Variants in GLRA2 observed in about 807,000 individuals in gnomAD.
The protein encoded by GLRA2 is glycine receptor alpha 2, also known as glycine receptor subunit alpha-2.
Under a neutral mutation model 31.6 loss-of-function variants are expected in GLRA2, and 11 were observed. That is an observed-to-expected ratio of 0.35 (90% CI 0.22 to 0.58). The LOEUF is 0.58. Ranked by LOEUF, GLRA2 falls within the 20% of genes least tolerant of loss-of-function variation. The pLI is 0.84. For synonymous variants in GLRA2, 132 were observed against 134.0 expected (o/e 0.99, Z 0.10); for missense variants, 212 against 351.8 (o/e 0.60, Z 3.18).
chrX:14,458,569 T>C, the GLRA2 span, among the ~76,000 whole-genome samples: 1 of 112,341 alleles, frequency 8.9e-6, no homozygotes, highest in Non-Finnish European at 1.9e-5. Flanking sequence ...CCATTCTAAC[T>C]GGTGCGAGAT....
chrX:14,638,072 C>G (rs2090730583), intron 7 of GLRA2, among the ~76,000 whole-genome samples: 1 of 111,360 alleles, frequency 9.0e-6, no homozygotes, highest in Non-Finnish European at 1.9e-5. Flanking sequence ...AATCCAATGT[C>G]TTTGAACTGC....
chrX:14,668,576 A>G (rs1052623682), intron 7 of GLRA2, among the ~76,000 whole-genome samples: 2 of 112,786 alleles, frequency 1.8e-5, no homozygotes, highest in East Asian at 5.6e-4. Context: ...ATTGACTTAC[A>G]GTTCCATGTG....
intron 7 of GLRA2, among the ~76,000 whole-genome samples, chrX:14,655,121 T>C (rs1373496036): frequency 9.0e-6 from 1 of 111,051 alleles, no homozygotes; most frequent in African/African-American, 3.3e-5. Context: ...GGGAGAGCTG[T>C]TTGGATTAGA....
intron 7 of GLRA2, among the ~76,000 whole-genome samples, chrX:14,652,140 G>T (rs1165428103): frequency 8.9e-6 from 1 of 111,894 alleles, no homozygotes; most frequent in Non-Finnish European, 1.9e-5. Context: ...ATTTTCTGTT[G>T]TTTAACACAC....
At chrX:14,496,219 C>G in the GLRA2 span, among the ~76,000 whole-genome samples, 1 of 111,410 alleles carries the variant, frequency 9.0e-6, no homozygotes, top group African/African-American at 3.3e-5. Context: ...GGGACTGTTT[C>G]CCAAACAAAG....
chrX:14,728,285 C>T (rs1289575740), intron 8 of GLRA2, among the ~76,000 whole-genome samples: 1 of 110,814 alleles, frequency 9.0e-6, no homozygotes. Flanking sequence ...CCCAGCTACT[C>T]AGGGGTCTGA....
chrX:14,604,083 A>C (rs1421571688), intron 4 of GLRA2, among the ~76,000 whole-genome samples: 5 of 110,719 alleles, frequency 4.5e-5, no homozygotes, highest in African/African-American at 1.6e-4. Flanking sequence ...CAGAGGCTGG[A>C]AGATGAAAAA....
At chrX:14,581,899 C>T (rs1601733120) in intron 4 of GLRA2, among the ~76,000 whole-genome samples, 3 of 110,384 alleles carry the variant, frequency 2.7e-5, no homozygotes, top group Admixed American at 9.7e-5. Context: ...TAAGTAAACA[C>T]GTGACCTTGA....
intron 8 of GLRA2, among the ~76,000 whole-genome samples, chrX:14,724,565 G>T (rs1479433442): frequency 4.0e-5 from 4 of 99,729 alleles, no homozygotes; most frequent in African/African-American, 1.5e-4. Flanking sequence ...GGCAGAGGTT[G>T]CAGTGAGATG....
At position 14,677,761 on chromosome X, in the gene GLRA2, T is replaced by C. The variant is rs369147347; in HGVS notation, c.931-12949T>C. 3.6e-5 allele frequency among the ~76,000 whole-genome samples: 4 copies of C among 112,367 alleles called. No homozygotes were observed. In the East Asian group the frequency reaches 8.4e-4, roughly 24 times the overall value. ...ACTAGAAACCAGAGCAACTCTTTAC[T>C]TCCCAGATGGAACAACCAAAAACAT... On this transcript the variant is annotated intron_variant, in intron 7 of 8. Transcript: ENST00000218075.
chrX:14,509,984 A>G, the GLRA2 span, among the ~76,000 whole-genome samples: 1 of 111,928 alleles, frequency 8.9e-6, no homozygotes, highest in African/African-American at 3.3e-5. Context: ...AAAATCAGAG[A>G]GAAGAGTTTA....
intron 2 of GLRA2, among the ~76,000 whole-genome samples, chrX:14,557,651 C>A (rs921244781): frequency 9.0e-6 from 1 of 111,225 alleles, no homozygotes; most frequent in Non-Finnish European, 1.9e-5. Context: ...TAGTGGTTAT[C>A]AACTGGGGAG....
At chrX:14,575,932 G>T (rs1204558506) in intron 3 of GLRA2, among the ~76,000 whole-genome samples, 5 of 110,560 alleles carry the variant, frequency 4.5e-5, no homozygotes, top group Non-Finnish European at 9.5e-5. Flanking sequence ...CAATTGGCTG[G>T]GTCTAATTTG....
At chrX:14,531,549 A>G (rs762636083) in intron 1 of GLRA2, among the ~76,000 whole-genome samples, 2 of 111,387 alleles carry the variant, frequency 1.8e-5, no homozygotes, top group East Asian at 5.6e-4. Context: ...GTTTTCATCA[A>G]TATTTTTTAG....
rs780932563 is a variant in GLRA2 at position 14,683,800 on chromosome X, G to C, written c.931-6910G>C. 2.5e-4 allele frequency among the ~76,000 whole-genome samples: 28 copies of C among 110,561 alleles called. No homozygotes were observed. The South Asian group carries it at 0.011, about 43-fold the overall frequency. ...TTTTCCCAGCACCATTTATTAAATAGGGAATCCTATTTAATGCAGTGCACC... is the reference window on the plus strand; with the variant it reads ...TTTTCCCAGCACCATTTATTAAATACGGAATCCTATTTAATGCAGTGCACC... On this transcript the variant is annotated intron_variant, in intron 7 of 8. Coordinates refer to ENST00000218075, the MANE Select transcript of GLRA2 (RefSeq NM_002063.4).
At chrX:14,681,399 ACCATCAGTCCAT>A (rs769038351) in intron 7 of GLRA2, among the ~76,000 whole-genome samples, 2 of 110,731 alleles carry the variant, frequency 1.8e-5, no homozygotes, top group Admixed American at 9.6e-5. Flanking sequence ...CATTCATTCA[ACCATCAGTCCAT>A]CCATCATAGA....
chrX:14,541,952 T>G (rs946685707), intron 2 of GLRA2, among the ~76,000 whole-genome samples: 2 of 111,389 alleles, frequency 1.8e-5, no homozygotes, highest in East Asian at 5.6e-4. Context: ...GAAGACCTGA[T>G]TCAAAGCCAC....
chrX:14,564,616 G>A (rs1213164895), intron 2 of GLRA2, among the ~76,000 whole-genome samples: 2 of 112,379 alleles, frequency 1.8e-5, no homozygotes, highest in Non-Finnish European at 3.8e-5. Context: ...ACAGGACTTG[G>A]AAAGACAAAT....
intron 7 of GLRA2, among the ~76,000 whole-genome samples, chrX:14,618,780 A>G (rs1200716668): frequency 9.0e-6 from 1 of 111,517 alleles, no homozygotes; most frequent in Non-Finnish European, 1.9e-5. Flanking sequence ...GCAGCAGTAG[A>G]GATGAGGCCC....
Sources: allele counts gnomAD v4.1 joint callset (sites outside exome capture counted in the v4.1 genomes callset), GRCh38; gene constraint gnomAD v4.1.1; transcripts MANE v1.5; gene names NCBI Gene and HGNC (gene_info 2026-07-23, HGNC 2026-07-21).